KLHL18: variants seen among roughly 807,000 people sequenced by gnomAD.
The protein encoded by KLHL18 is kelch-like protein 18.
KLHL18 carries 38 observed loss-of-function variants against 58.5 expected under a neutral mutation model. That is an observed-to-expected ratio of 0.65 (90% CI 0.50 to 0.85). The LOEUF (loss-of-function observed/expected upper bound fraction) is 0.85. KLHL18 is among the 40% of genes least tolerant of loss of function. The pLI is 0.00. For synonymous variants in KLHL18, 303 were observed against 301.9 expected (o/e 1.00, Z -0.04); for missense variants, 624 against 778.4 (o/e 0.80, Z 2.36).
chr3:47,329,797 T>G (rs1703811924), intron 3 of KLHL18, among the ~76,000 whole-genome samples, 154 bp from the exon 4 acceptor site: 2 of 152,352 alleles, frequency 1.3e-5, no homozygotes, highest in South Asian at 4.1e-4. Context: ...ATTTTATACC[T>G]TTAGAAGTTG....
intron 1 of KLHL18, among the ~76,000 whole-genome samples, chr3:47,300,958 G>A (rs1163196842): frequency 2.6e-5 from 4 of 151,954 alleles, no homozygotes; most frequent in Admixed American, 6.6e-5. Context: ...ATTCTAATTT[G>A]CATTTTGCTA....
intron 7 of KLHL18, among the ~76,000 whole-genome samples, chr3:47,339,629 G>A (rs1704064251): frequency 6.6e-6 from 1 of 152,178 alleles, no homozygotes; most frequent in Non-Finnish European, 1.5e-5. Context: ...TCTGTGAATT[G>A]AGTGGGAAAA....
Position 47,333,149 on chromosome 3 carries a change from C to CATG in KLHL18, c.601-6_601-4dup. The CATG allele has an allele frequency of 6.2e-7, 1 of 1,611,240 alleles. No individual in the cohort carries two copies. The highest frequency in any genetic ancestry group is 8.5e-7 in the Non-Finnish European group (1 of 1,178,434). On this transcript the variant is annotated splice_region_variant and splice_polypyrimidine_tract_variant and intron_variant, in intron 4 of 9. Coordinates refer to ENST00000232766, the MANE Select transcript of KLHL18 (RefSeq NM_025010.5). ...GATTTGCTGCCAGAACATCCACTCT[C>CATG]ATGACAGGTCTTTGAAGCTGCATTG...
intron 3 of KLHL18, among the ~76,000 whole-genome samples, chr3:47,324,660 C>A (rs532189890): frequency 1.6e-4 from 25 of 151,950 alleles, no homozygotes; most frequent in African/African-American, 5.1e-4. Context: ...GAGCAAGACC[C>A]TGTCTCTACA....
chr3:47,342,620 G>A (rs552110364), intron 8 of KLHL18, 99 bp from the exon 9 acceptor site: 2 of 888,868 alleles, frequency 2.3e-6, no homozygotes, highest in East Asian at 2.5e-5. Context: ...GAGATGGAGA[G>A]ATGGCCAGCA....
Position 47,346,198 on chromosome 3 carries a change from T to C in KLHL18, c.*2257T>C, listed in dbSNP as rs1327475848. ...CTGGCCCAGATTTTGCCACTGGGTA[T>C]GGCAGATCATTTTCTACCATGGCCT... On this transcript the variant is annotated 3_prime_UTR_variant, in exon 10 of 10. Coordinates refer to ENST00000232766, the MANE Select transcript of KLHL18 (RefSeq NM_025010.5). 6.5e-6 allele frequency: 1 copy of C among 152,684 alleles called. No homozygotes were observed. The allele number at this position is 152,684 out of a possible 1,614,324, so 9.5% of individuals were successfully genotyped here.
intron 8 of KLHL18, 90 bp downstream of exon 8, chr3:47,340,766 A>C: frequency 1.4e-6 from 2 of 1,432,798 alleles, no homozygotes; most frequent in Non-Finnish European, 1.9e-6. Flanking sequence ...TAAGCTTCTC[A>C]AGGGTAGAGA....
chr3:47,306,832 G>C (rs1321303507), intron 1 of KLHL18, among the ~76,000 whole-genome samples: 3 of 152,066 alleles, frequency 2.0e-5, no homozygotes, highest in Non-Finnish European at 4.4e-5. Context: ...GACTTCTCCT[G>C]GATGTGAAAT....
chr3:47,302,813 G>A (rs573972883), intron 1 of KLHL18, among the ~76,000 whole-genome samples: 7 of 152,248 alleles, frequency 4.6e-5, no homozygotes, highest in South Asian at 4.2e-4. Flanking sequence ...TTCAGTGCCC[G>A]TATCATAGAA....
At chr3:47,283,394 G>A (rs956462676) in intron 1 of KLHL18, 1 of 438,408 alleles carries the variant, frequency 2.3e-6, no homozygotes, top group Middle Eastern at 5.8e-4. Context: ...AGAGAAAATG[G>A]ACTTACCTTC....
At chr3:47,300,373 G>A (rs1277989792) in intron 1 of KLHL18, among the ~76,000 whole-genome samples, 1 of 113,220 alleles carries the variant, frequency 8.8e-6, no homozygotes, top group Non-Finnish European at 1.8e-5. Flanking sequence ...ATATGTATAT[G>A]TGTGTATATA....
At chr3:47,300,181 C>A (rs1702985239) in intron 1 of KLHL18, among the ~76,000 whole-genome samples, 2 of 150,934 alleles carry the variant, frequency 1.3e-5, no homozygotes, top group African/African-American at 4.9e-5. Flanking sequence ...TTCTCTCTCT[C>A]CCCACCTCCT....
At chr3:47,316,473 GTATATATATACATATATACATATA>G (rs1559495353) in intron 1 of KLHL18, among the ~76,000 whole-genome samples, 19 of 113,910 alleles carry the variant, frequency 1.7e-4, no homozygotes, top group South Asian at 5.8e-4. Flanking sequence ...ATATATATAT[GTATATATATACATATATACATATA>G]TATGTATATA....
At chr3:47,308,721 C>T (rs1559492014) in intron 1 of KLHL18, among the ~76,000 whole-genome samples, 1 of 152,038 alleles carries the variant, frequency 6.6e-6, no homozygotes, top group Non-Finnish European at 1.5e-5. Flanking sequence ...TTATCTCCCT[C>T]CTTCCTTCCC....
chr3:47,319,151 G>A (rs1703524773), intron 1 of KLHL18, among the ~76,000 whole-genome samples: 2 of 152,206 alleles, frequency 1.3e-5, no homozygotes, highest in Admixed American at 1.3e-4. Context: ...GCAGCAGCCA[G>A]TCCACAACAC....
intron 1 of KLHL18, among the ~76,000 whole-genome samples, chr3:47,290,781 T>C (rs1559484975): frequency 1.3e-5 from 2 of 152,218 alleles, no homozygotes; most frequent in African/African-American, 4.8e-5. Context: ...CTCTTTCTAA[T>C]GAGCAATAAG....
chr3:47,330,595 A>G (rs1210662885), intron 4 of KLHL18, among the ~76,000 whole-genome samples: 1 of 151,304 alleles, frequency 6.6e-6, no homozygotes, highest in Non-Finnish European at 1.5e-5. Context: ...CCTGGCCTCC[A>G]TACATTTTAG....
chr3:47,344,748 C>G lies in KLHL18; in HGVS notation c.*807C>G, dbSNP rs1704191368. The G allele has an allele frequency of 6.6e-6, 1 of 152,572 alleles. No homozygotes were observed. The highest frequency in any genetic ancestry group is 2.1e-4 in the South Asian group (1 of 4,826). The allele number at this position is 152,572 out of a possible 1,614,324, so 9.5% of individuals were successfully genotyped here. Reference sequence around the variant, plus strand: ...GCAAATCTATGTTTAAATGGAAAATCGTCTAACTGGAGAAGGGCGGTATCC... The same window carrying G: ...GCAAATCTATGTTTAAATGGAAAATGGTCTAACTGGAGAAGGGCGGTATCC... On this transcript the variant is annotated 3_prime_UTR_variant, in exon 10 of 10. Coordinates refer to ENST00000232766, the MANE Select transcript of KLHL18 (RefSeq NM_025010.5).
Position 47,319,734 on chromosome 3 carries a change from A to T in KLHL18, c.211A>T (p.Met71Leu). 1 of 1,614,070 alleles carries T rather than the reference A, an allele frequency of 6.2e-7. No homozygotes were observed. The highest frequency in any genetic ancestry group is 8.5e-7 in the Non-Finnish European group (1 of 1,179,918). The change falls in exon 2 of 10, where the codon ATG becomes TTG. Residue 71 changes from methionine to leucine, a missense_variant. Physicochemically the swap from Met to Leu is conservative, Grantham distance 15 (BLOSUM62 2). Transcript: ENST00000232766. Reference protein sequence around the residue: ...PYFHAMFTNDMMECKQDEIVM... With the variant: ...PYFHAMFTNDLMECKQDEIVM... ...TTTCCATGCTATGTTTACAAATGAC[A>T]TGATGGAGTGCAAGCAGGATGAGAT...
Sources: allele counts gnomAD v4.1 joint callset (sites outside exome capture counted in the v4.1 genomes callset), GRCh38; gene constraint gnomAD v4.1.1; transcripts MANE v1.5; gene names NCBI Gene and HGNC (gene_info 2026-07-23, HGNC 2026-07-21).